ATF1: variants seen among roughly 807,000 people sequenced by gnomAD.
ATF1 encodes cyclic AMP-dependent transcription factor ATF-1.
A neutral mutation model predicts 34.7 loss-of-function variants in ATF1; 16 were observed. That is an observed-to-expected ratio of 0.46 (90% confidence interval 0.31 to 0.70). The LOEUF (loss-of-function observed/expected upper bound fraction) is 0.70. ATF1 is among the 30% of genes least tolerant of loss of function. The probability of loss-of-function intolerance (pLI) is 0.05; values close to 1 mark genes in which losing one functional copy is unlikely to be tolerated. For missense variants in ATF1, 255 were observed against 321.6 expected, an observed-to-expected ratio of 0.79 and a Z score of 1.58; for synonymous variants, 105 against 113.1, an observed-to-expected ratio of 0.93 and a Z score of 0.46.
At chr12:50,814,987 T>C (rs1941813532) in intron 6 of ATF1, among the ~76,000 whole-genome samples, 1 of 151,976 alleles carries the variant, frequency 6.6e-6, no homozygotes, top group Non-Finnish European at 1.5e-5. Flanking sequence ...CTGGGCGTGG[T>C]GGCGGGCGCC....
In ATF1 at chr12:50,785,286, C is replaced by CAT. The variant is rs1441674184; in HGVS notation, c.93+5049_93+5050insTA. Among the ~76,000 whole-genome samples, 6 of 454 alleles carry CAT rather than the reference C, an allele frequency of 0.013. No homozygotes were observed. The South Asian group carries it at 0.31, about 24-fold the overall frequency. 0.3% of individuals were successfully genotyped at this position (454 alleles called of 152,430 possible). A position where few individuals can be genotyped will look rare whatever the true frequency, so the allele number is the denominator to read the frequency against. ...AAAAAAAAAATTATATATATACATA[C>CAT]ACACACACACACACACACACACACA... On this transcript the variant is annotated intron_variant, in intron 2 of 6. Coordinates refer to ENST00000262053, the MANE Select transcript of ATF1 (RefSeq NM_005171.5).
At chr12:50,811,481 A>G (rs1592201373) in intron 4 of ATF1, among the ~76,000 whole-genome samples, 1 of 151,840 alleles carries the variant, frequency 6.6e-6, no homozygotes, top group African/African-American at 2.4e-5. Flanking sequence ...ATATATATAG[A>G]ATACCTCTTG....
At chr12:50,817,761 T>C (rs1236637746) in intron 6 of ATF1, among the ~76,000 whole-genome samples, 1 of 152,216 alleles carries the variant, frequency 6.6e-6, no homozygotes, top group African/African-American at 2.4e-5. Context: ...ATATAAAGAT[T>C]TATTTCTGTA....
intron 3 of ATF1, among the ~76,000 whole-genome samples, chr12:50,805,601 C>A (rs112719402): frequency 3.3e-5 from 5 of 151,296 alleles, no homozygotes; most frequent in Admixed American, 6.6e-5. Context: ...GATTCTTAAC[C>A]CATTGTGACC....
At chr12:50,768,491 C>G (rs987062836) in intron 1 of ATF1, among the ~76,000 whole-genome samples, 1 of 152,210 alleles carries the variant, frequency 6.6e-6, no homozygotes. Flanking sequence ...AGACCCCTTT[C>G]GTGGCCCTGT....
chr12:50,819,605 T>TAACA lies in ATF1; in HGVS notation c.672-29_672-26dup, dbSNP rs774893720. On this transcript the variant is annotated intron_variant, in intron 6 of 6. Transcript: ENST00000262053. ...CATTTAAAGAATGTGAAGTTTTTTC[T>TAACA]AACATTGTTTTTTTAATGCTCATAT... 2.5e-6 allele frequency: 4 copies of TAACA among 1,601,962 alleles called. No individual in the cohort carries two copies. In the African/African-American group the frequency reaches 4.1e-5, roughly 16 times the overall value.
chr12:50,810,265 T>G (rs893023699), intron 4 of ATF1, among the ~76,000 whole-genome samples: 1 of 149,926 alleles, frequency 6.7e-6, no homozygotes, highest in African/African-American at 2.5e-5. Flanking sequence ...TTGCCCAGAT[T>G]AGAGTGCAGT....
rs560854108 is a variant in ATF1, at chr12:50,820,613, C to T, written c.*834C>T. 7.3e-5 allele frequency: 13 copies of T among 177,948 alleles called. No individual in the cohort carries two copies. Among genetic ancestry groups the T allele is most frequent in the African/African-American group, 2.8e-4 (12 of 42,412 alleles). 11.0% of individuals were successfully genotyped at this position (177,948 alleles called of 1,614,324 possible). On this transcript the variant is annotated 3_prime_UTR_variant, in exon 7 of 7. Coordinates refer to ENST00000262053, the MANE Select transcript of ATF1 (RefSeq NM_005171.5). ...GTGCTTTAATAGAATGGAATGTTTACAGGCCCTTAAAATATTATTTTTAAA... is the reference window on the plus strand; with the variant it reads ...GTGCTTTAATAGAATGGAATGTTTATAGGCCCTTAAAATATTATTTTTAAA...
intron 1 of ATF1, among the ~76,000 whole-genome samples, chr12:50,778,596 CT>C (rs113035498): frequency 1.4e-3 from 199 of 137,862 alleles, no homozygotes; most frequent in Non-Finnish European, 1.6e-3. Flanking sequence ...ATGTCCAGAA[CT>C]TTTTTTTTTT....
At chr12:50,819,285 T>C (rs1486906661) in intron 6 of ATF1, among the ~76,000 whole-genome samples, 1 of 152,044 alleles carries the variant, frequency 6.6e-6, no homozygotes, top group African/African-American at 2.4e-5. Context: ...GACACCAGAG[T>C]ACATAGTGTA....
At chr12:50,768,574 C>A (rs1940695703) in intron 1 of ATF1, among the ~76,000 whole-genome samples, 1 of 152,172 alleles carries the variant, frequency 6.6e-6, no homozygotes, top group Non-Finnish European at 1.5e-5. Context: ...AAAAATCTTA[C>A]AACCACTGTT....
chr12:50,793,701 G>A (rs201016104), intron 2 of ATF1, among the ~76,000 whole-genome samples: 1 of 151,234 alleles, frequency 6.6e-6, no homozygotes, highest in Non-Finnish European at 1.5e-5. Context: ...TTAATTATTG[G>A]TTATTTCTTA....
At chr12:50,779,356 A>G (rs973796038) in intron 1 of ATF1, among the ~76,000 whole-genome samples, 2 of 152,208 alleles carry the variant, frequency 1.3e-5, no homozygotes, top group Non-Finnish European at 2.9e-5. Context: ...GTACCACTTT[A>G]CATTCCCACC....
chr12:50,814,494 C>A, intron 6 of ATF1, 55 bp downstream of exon 6: 1 of 1,545,738 alleles, frequency 6.5e-7, no homozygotes, highest in Non-Finnish European at 8.9e-7. Flanking sequence ...AATCTCACAA[C>A]ATAACCAGAT....
At chr12:50,789,603 C>G (rs1011729533) in intron 2 of ATF1, among the ~76,000 whole-genome samples, 1 of 151,984 alleles carries the variant, frequency 6.6e-6, no homozygotes, top group Non-Finnish European at 1.5e-5. Flanking sequence ...ACTAAAAATA[C>G]AAAAATTAGC....
chr12:50,778,956 C>T (rs6580768), intron 1 of ATF1, among the ~76,000 whole-genome samples: 139,238 of 152,204 alleles, frequency 0.91, 64,210 homozygotes, highest in Non-Finnish European at 0.98. Flanking sequence ...CACCATTCTA[C>T]TTCCTGTTTC....
chr12:50,769,014 A>G (rs1201342685), intron 1 of ATF1, among the ~76,000 whole-genome samples: 1 of 152,196 alleles, frequency 6.6e-6, no homozygotes, highest in Non-Finnish European at 1.5e-5. Context: ...CCTAGTACAT[A>G]ATTAAAATTG....
intron 4 of ATF1, among the ~76,000 whole-genome samples, 170 bp from the exon 5 acceptor site, chr12:50,813,840 T>C (rs1193202203): frequency 6.6e-6 from 1 of 151,924 alleles, no homozygotes; most frequent in Admixed American, 6.6e-5. Context: ...AAAGAAATGC[T>C]GTTTTATTCC....
intron 1 of ATF1, among the ~76,000 whole-genome samples, chr12:50,779,727 A>G (rs1467780639): frequency 1.3e-5 from 2 of 152,040 alleles, no homozygotes; most frequent in Non-Finnish European, 2.9e-5. Context: ...AGTTTTCTAG[A>G]ACTTATTTAG....
Sources: gnomAD v4.1 joint callset for allele counts (sites outside exome capture counted in the v4.1 genomes callset) on GRCh38, gnomAD v4.1.1 for gene constraint, MANE v1.5 for transcripts, NCBI Gene and HGNC (gene_info 2026-07-23, HGNC 2026-07-21) for gene names.